The following IGSF9B variants were observed in gnomAD, a reference collection of about 807,000 sequenced individuals.
IGSF9B encodes the protein immunoglobulin superfamily member 9B.
In IGSF9B, 48 loss-of-function variants were observed where a neutral mutation model predicts 143.7. The observed-to-expected ratio is 0.33, with a 90% CI of 0.26 to 0.42. The LOEUF is 0.42. Among genes scored for constraint, IGSF9B ranks in the 20% least tolerant of loss-of-function variants. The probability of loss-of-function intolerance (pLI) is 1.00; values close to 1 mark genes in which losing one functional copy is unlikely to be tolerated. For synonymous variants in IGSF9B, 903 were observed against 833.1 expected, an observed-to-expected ratio of 1.08 and a Z score of -1.44; for missense variants, 1,706 against 1,980.0, an observed-to-expected ratio of 0.86 and a Z score of 2.63.
At position 133,932,026 on chromosome 11, in the gene IGSF9B, G is replaced by A. The variant is rs187635635; in HGVS notation, c.1110+45C>T. 6 of 1,582,646 alleles carry A rather than the reference G, an allele frequency of 3.8e-6. No individual in the cohort carries two copies. In the East Asian group the frequency reaches 6.8e-5, roughly 18 times the overall value. ...AGCCCAGAGGTGGCATCACAGTACT[G>A]GGGGGAGCCCTCACTCCAACCCTCA... is the stretch of plus-strand genomic sequence containing the variant. On this transcript the variant is annotated intron_variant, in intron 8 of 19. Transcript: ENST00000533871.
chr11:133,919,279 A>G (rs543146110), intron 18 of IGSF9B, among the ~76,000 whole-genome samples: 1 of 152,080 alleles, frequency 6.6e-6, no homozygotes, highest in African/African-American at 2.4e-5. Flanking sequence ...GGTGGTCTGG[A>G]GAAGTCAGGC....
At chr11:133,944,605 C>T (rs1940012162) in intron 2 of IGSF9B, among the ~76,000 whole-genome samples, 1 of 152,170 alleles carries the variant, frequency 6.6e-6, no homozygotes, top group Non-Finnish European at 1.5e-5. Flanking sequence ...GCCTGCAAGG[C>T]AACTCAATGC....
At chr11:133,944,101 G>C (rs192197895) in intron 3 of IGSF9B, 119 bp downstream of exon 3, 4 of 1,100,268 alleles carry the variant, frequency 3.6e-6, no homozygotes, top group South Asian at 1.6e-5. Flanking sequence ...CAACAAGGAG[G>C]GGGGCAGGGG....
rs12291005 is a variant in IGSF9B at position 133,946,056 on chromosome 11, C to A, written c.262+5G>T. The A allele has an allele frequency of 6.4e-7, 1 of 1,553,740 alleles. No homozygotes were observed. Among genetic ancestry groups the A allele is most frequent in the South Asian group, 1.2e-5 (1 of 80,968 alleles). Reference sequence around the variant, plus strand: ...GGTGCGGGAGACCGGGTGCCCAGACCTTACCTGCATACTCAGGGTCCACGT... The same window carrying A: ...GGTGCGGGAGACCGGGTGCCCAGACATTACCTGCATACTCAGGGTCCACGT... On this transcript the variant is annotated splice_donor_5th_base_variant and intron_variant, in intron 2 of 19. Transcript: ENST00000533871.
At chr11:133,923,363 G>A (rs771132314) in intron 15 of IGSF9B, among the ~76,000 whole-genome samples, 7 of 152,142 alleles carry the variant, frequency 4.6e-5, no homozygotes, top group African/African-American at 9.7e-5. Flanking sequence ...CTGAAGATTC[G>A]CATCCTGGTC....
At chr11:133,914,423 C>A (rs574455433) in intron 18 of IGSF9B, among the ~76,000 whole-genome samples, 15 of 152,328 alleles carry the variant, frequency 9.8e-5, no homozygotes, top group African/African-American at 3.4e-4. Flanking sequence ...TGCCTTGCAA[C>A]GTACTTGAGG....
At chr11:133,937,524 C>G (rs1270583810) in intron 4 of IGSF9B, 31 bp from the exon 5 acceptor site, 1 of 1,538,706 alleles carries the variant, frequency 6.5e-7, no homozygotes, top group South Asian at 1.1e-5. Flanking sequence ...GAGCTCAGCA[C>G]CCACGCTCAC....
At position 133,939,786 on chromosome 11, in the gene IGSF9B, G is replaced by A. The variant is rs567520196; in HGVS notation, c.410-1825C>T. ...GCACACAGAAACACACACCTCGCCC[G>A]TCCTCGCACGCGTCATCGCATGCAG... On this transcript the variant is annotated intron_variant, in intron 3 of 19. Transcript: ENST00000533871. 1.4e-3 allele frequency among the ~76,000 whole-genome samples: 206 copies of A among 150,940 alleles called. 2 individuals carry two copies. The highest frequency in any genetic ancestry group is 4.4e-3 in the African/African-American group (181 of 40,938).
At chr11:133,955,360 G>C in intron 1 of IGSF9B, among the ~76,000 whole-genome samples, 1 of 152,192 alleles carries the variant, frequency 6.6e-6, no homozygotes, top group East Asian at 1.9e-4. Context: ...TTCGCCCTCT[G>C]CTCGTTCTGT....
At position 133,938,112 on chromosome 11, in the gene IGSF9B, T is replaced by C; in HGVS notation, c.410-151A>G. On this transcript the variant is annotated intron_variant, in intron 3 of 19. Transcript: ENST00000533871. Reference sequence around the variant, plus strand: ...GTGGGGATGGGAAAAACTTTCTGCCTACCAACATCACTGGCAGGGAGACCT... The same window carrying C: ...GTGGGGATGGGAAAAACTTTCTGCCCACCAACATCACTGGCAGGGAGACCT... 5 of 815,082 alleles carry C rather than the reference T, an allele frequency of 6.1e-6. No individual in the cohort carries two copies. In the South Asian group the frequency reaches 9.2e-5, roughly 15 times the overall value. The allele number at this position is 815,082 out of a possible 1,614,324, so 50.5% of individuals were successfully genotyped here.
Position 133,942,169 on chromosome 11 carries a change from G to A in IGSF9B, c.409+2051C>T, listed in dbSNP as rs1282441193. Among the ~76,000 whole-genome samples the A allele has an allele frequency of 2.6e-5, 4 of 152,026 alleles. 1 individual carries two copies. Among genetic ancestry groups the A allele is most frequent in the Middle Eastern group, 6.3e-3 (2 of 316 alleles). On this transcript the variant is annotated intron_variant, in intron 3 of 19. Coordinates refer to ENST00000533871, the MANE Select transcript of IGSF9B (RefSeq NM_001277285.4). ...ACTTTGTTTTTTTTCCTCTCGAGAA[G>A]GAGGATGGCCAGCATCTCACACATA...
At chr11:133,930,880 G>A (rs11223628) in intron 11 of IGSF9B, 104 bp downstream of exon 11, 423,262 of 1,188,408 alleles carry the variant, frequency 0.36, 78,859 homozygotes, top group African/African-American at 0.44. Flanking sequence ...AAGGGAGCCC[G>A]CAGAGTGCAG....
At position 133,901,720 on chromosome 11, in the gene IGSF9B, CCAAA is replaced by C. The variant is rs1175485716; in HGVS notation, c.*7345_*7348del. 6.6e-6 allele frequency: 1 copy of C among 152,122 alleles called. No individual in the cohort carries two copies. The highest frequency in any genetic ancestry group is 1.5e-5 in the Non-Finnish European group (1 of 68,026). The allele number at this position is 152,122 out of a possible 1,614,324, so 9.4% of individuals were successfully genotyped here. On this transcript the variant is annotated 3_prime_UTR_variant, in exon 20 of 20. Transcript: ENST00000533871. ...AAACAGAAGTTGTCTAGCAAAAGAG[CCAAA>C]CAAAGGAGGGTCTCCTGGGCCTGAC...
chr11:133,912,330 T>A (rs1415171637), intron 18 of IGSF9B: 1 of 509,334 alleles, frequency 2.0e-6, no homozygotes, highest in Non-Finnish European at 3.8e-6. Context: ...GCATTTAGTG[T>A]CAGAGACAGA....
Position 133,931,855 on chromosome 11 carries a change from G to C in IGSF9B, c.1111-60C>G. On this transcript the variant is annotated intron_variant, in intron 8 of 19. Coordinates refer to ENST00000533871, the MANE Select transcript of IGSF9B (RefSeq NM_001277285.4). This position sits in a 1 kb window ranked among gnomAD's most constrained non-coding sequence, Gnocchi z 7.7. ...GTCAGAGACTCCGCGCTCCATCCCAGGCTGGGTCCCAGCTGGGCCAGGCAG... is the reference window on the plus strand; with the variant it reads ...GTCAGAGACTCCGCGCTCCATCCCACGCTGGGTCCCAGCTGGGCCAGGCAG... 1 of 1,589,638 alleles carries C rather than the reference G, an allele frequency of 6.3e-7. No individual in the cohort carries two copies. Among genetic ancestry groups the C allele is most frequent in the East Asian group, 2.3e-5 (1 of 44,374 alleles).
Position 133,940,393 on chromosome 11 carries a change from C to T in IGSF9B, c.410-2432G>A, listed in dbSNP as rs529807648. Reference sequence around the variant, plus strand: ...CCTCGCACGTCCTCGCATGCGTCATCGCATGCAGAAACATACACCTTGCAC... The same window carrying T: ...CCTCGCACGTCCTCGCATGCGTCATTGCATGCAGAAACATACACCTTGCAC... On this transcript the variant is annotated intron_variant, in intron 3 of 19. Transcript: ENST00000533871. Among the ~76,000 whole-genome samples, 53 of 134,750 alleles carry T rather than the reference C, an allele frequency of 3.9e-4. No individual in the cohort carries two copies. The South Asian group carries it at 0.013, about 33-fold the overall frequency. 88.4% of individuals were successfully genotyped at this position (134,750 alleles called of 152,430 possible). A position where few individuals can be genotyped will look rare whatever the true frequency, so the allele number is the denominator to read the frequency against.
rs748943611 is a variant in IGSF9B, at chr11:133,937,931, T to TG, written c.439dup (p.Gln147ProfsTer10). 2 of 1,612,812 alleles carry TG rather than the reference T, an allele frequency of 1.2e-6. No individual in the cohort carries two copies. The highest frequency in any genetic ancestry group is 1.7e-6 in the Non-Finnish European group (2 of 1,179,436). On this transcript the variant is annotated frameshift_variant, in exon 4 of 20. Coordinates refer to ENST00000533871, the MANE Select transcript of IGSF9B (RefSeq NM_001277285.4). LOFTEE classifies it high-confidence loss of function. Reference sequence around the variant, plus strand: ...ACCACCCTCCTTGGCCTCGATGTACTGGGGGGGTGTTTCTGTAAAGGTGGG... The same window carrying TG: ...ACCACCCTCCTTGGCCTCGATGTACTGGGGGGGGTGTTTCTGTAAAGGTGGG...
Position 133,920,220 on chromosome 11 carries a change from G to A in IGSF9B, c.3505C>T (p.Arg1169Trp), listed in dbSNP as rs1939495388. ...GGCCGGGGCTGGGGCTCATACCACCGGGTGTCCAGGCCAAATGTGCTGGGG... is the reference window on the plus strand; with the variant it reads ...GGCCGGGGCTGGGGCTCATACCACCAGGTGTCCAGGCCAAATGTGCTGGGG... ...GGPSTFGLDT[R>W]WYEPQPRPRP... The change falls in exon 18 of 20, where the codon CGG (arginine) becomes TGG (tryptophan). Residue 1169 changes from arginine (R) to tryptophan (W), a missense_variant. Around this residue, in one of 7 missense-constraint regions of IGSF9B, gnomAD observed 880 missense variants for 762.9 expected, o/e 1.15. Transcript: ENST00000533871. 3 of 1,515,570 alleles carry A rather than the reference G, an allele frequency of 2.0e-6. No individual in the cohort carries two copies. The highest frequency in any genetic ancestry group is 2.6e-6 in the Non-Finnish European group (3 of 1,132,360). The allele number at this position is 1,515,570 out of a possible 1,614,324, so 93.9% of individuals were successfully genotyped here.
In IGSF9B at chr11:133,948,789, A is replaced by C. The variant is rs1940105181; in HGVS notation, c.65-2531T>G. On this transcript the variant is annotated intron_variant, in intron 1 of 19. Transcript: ENST00000533871. This position sits in a 1 kb window ranked among gnomAD's most constrained non-coding sequence, Gnocchi z 4.7. ...GGGCAACAGAAGGTGGTTCCTTCCCAGGGCTTTGGCCCAGGCAGGAGGAAC... is the reference window on the plus strand; with the variant it reads ...GGGCAACAGAAGGTGGTTCCTTCCCCGGGCTTTGGCCCAGGCAGGAGGAAC... 2.0e-5 allele frequency among the ~76,000 whole-genome samples: 3 copies of C among 152,284 alleles called. No individual in the cohort carries two copies. In the South Asian group the frequency reaches 6.2e-4, roughly 32 times the overall value.
Sources: gnomAD v4.1 joint callset for allele counts (sites outside exome capture counted in the v4.1 genomes callset) on GRCh38, gnomAD v4.1.1 for gene constraint, gnomAD v4.1.1 regional missense constraint, Gnocchi (gnomAD v3.1) non-coding constraint, MANE v1.5 for transcripts, NCBI Gene and HGNC (gene_info 2026-07-23, HGNC 2026-07-21) for gene names.